CDC25C: variants seen among roughly 807,000 people sequenced by gnomAD.
The protein encoded by CDC25C is M-phase inducer phosphatase 3.
In CDC25C, 48 loss-of-function variants were observed where a neutral mutation model predicts 52.5. That is an observed-to-expected ratio of 0.91 (90% CI 0.72 to 1.16). CDC25C has a LOEUF of 1.16. Ranked by LOEUF, CDC25C falls within the 50% of genes most tolerant of loss-of-function variation. The pLI is 0.00. For missense variants in CDC25C, 510 were observed against 566.1 expected, an observed-to-expected ratio of 0.90 and a Z score of 1.01; for synonymous variants, 187 against 206.5, an observed-to-expected ratio of 0.91 and a Z score of 0.81.
intron 7 of CDC25C, among the ~76,000 whole-genome samples, chr5:138,310,754 C>G (rs1041534502): frequency 1.6e-4 from 24 of 152,228 alleles, no homozygotes; most frequent in African/African-American, 5.3e-4. Flanking sequence ...GAGGCTACTT[C>G]TCAGACCACT....
Position 138,319,210 on chromosome 5 carries a change from A to C in CDC25C, c.615+9T>G. 6.2e-7 allele frequency: 1 copy of C among 1,606,730 alleles called. No homozygotes were observed. ...AAGAATACAAAGATACTACCACAGA[A>C]CACTTTACCTTTGCTTCTTGATCTT... is the stretch of plus-strand genomic sequence containing the variant. On this transcript the variant is annotated intron_variant, in intron 7 of 13. Coordinates refer to ENST00000323760, the MANE Select transcript of CDC25C (RefSeq NM_001790.5).
intron 6 of CDC25C, among the ~76,000 whole-genome samples, chr5:138,321,741 ACT>A: frequency 9.3e-6 from 1 of 107,736 alleles, no homozygotes; most frequent in East Asian, 3.2e-4. Flanking sequence ...ACAGAGCAAG[ACT>A]CTGTCTCAAA....
intron 2 of CDC25C, 110 bp downstream of exon 2, chr5:138,330,877 G>T: frequency 1.4e-6 from 1 of 735,810 alleles, no homozygotes; most frequent in Non-Finnish European, 2.3e-6. Context: ...GCAGAGTTGA[G>T]ACTTAAAGCC....
chr5:138,324,396 G>A (rs1027718307), intron 6 of CDC25C, among the ~76,000 whole-genome samples: 3 of 152,038 alleles, frequency 2.0e-5, no homozygotes, highest in African/African-American at 7.2e-5. Context: ...TTGAGCCCAG[G>A]AGTTCAAGAT....
intron 6 of CDC25C, among the ~76,000 whole-genome samples, chr5:138,320,029 G>A (rs1326674367): frequency 1.3e-5 from 2 of 152,190 alleles, no homozygotes; most frequent in Admixed American, 6.5e-5. Context: ...AGCAGGGGCC[G>A]GGCGCAGTAG....
intron 7 of CDC25C, among the ~76,000 whole-genome samples, chr5:138,293,803 T>C (rs974305381): frequency 2.6e-5 from 4 of 151,906 alleles, no homozygotes; most frequent in African/African-American, 2.4e-5. Flanking sequence ...CGCATCACCA[T>C]GCCCAGCCAA....
chr5:138,322,252 C>T lies in CDC25C; in HGVS notation c.460-2878G>A, dbSNP rs866063164. Among the ~76,000 whole-genome samples, 39 of 150,742 alleles carry T rather than the reference C, an allele frequency of 2.6e-4. 1 individual carries two copies. The highest frequency in any genetic ancestry group is 7.8e-4 in the African/African-American group (32 of 41,080). Reference sequence around the variant, plus strand: ...TCCTGACCTTGTGATCCGCCTGCCTCGGCCTCCCAAAGTGATGGGATTACA... The same window carrying T: ...TCCTGACCTTGTGATCCGCCTGCCTTGGCCTCCCAAAGTGATGGGATTACA... On this transcript the variant is annotated intron_variant, in intron 6 of 13. Coordinates refer to ENST00000323760, the MANE Select transcript of CDC25C (RefSeq NM_001790.5).
chr5:138,286,382 A>C, intron 12 of CDC25C, 115 bp downstream of exon 12: 1 of 1,185,486 alleles, frequency 8.4e-7, no homozygotes, highest in East Asian at 2.4e-5. Flanking sequence ...TCTTCCTTCA[A>C]CCTCCCTAAC....
intron 2 of CDC25C, among the ~76,000 whole-genome samples, chr5:138,330,192 A>G (rs1340382423): frequency 6.6e-6 from 1 of 151,882 alleles, no homozygotes. Context: ...ACTGAAACAG[A>G]TAATTTTTTT....
chr5:138,313,201 C>A (rs558982481), intron 7 of CDC25C, among the ~76,000 whole-genome samples: 47 of 151,824 alleles, frequency 3.1e-4, no homozygotes, highest in Non-Finnish European at 4.9e-4. Flanking sequence ...CATGGTGAAA[C>A]CTTGTCTCTA....
Position 138,297,231 on chromosome 5 carries a change from T to G in CDC25C, c.616-5115A>C, listed in dbSNP as rs1757280797. Among the ~76,000 whole-genome samples, 6 of 151,994 alleles carry G rather than the reference T, an allele frequency of 3.9e-5. No individual in the cohort carries two copies. The South Asian group carries it at 1.2e-3, about 32-fold the overall frequency. ...TGGCCATTATTATTATTTTTTAATT[T>G]TGTATTTTTAGTAGAGACAGGGTTC... On this transcript the variant is annotated intron_variant, in intron 7 of 13. Coordinates refer to ENST00000323760, the MANE Select transcript of CDC25C (RefSeq NM_001790.5).
intron 4 of CDC25C, among the ~76,000 whole-genome samples, chr5:138,326,887 G>A (rs1243982375): frequency 1.3e-5 from 2 of 149,684 alleles, no homozygotes; most frequent in Non-Finnish European, 3.0e-5. Context: ...GGGAGGGAGA[G>A]GTTGTGGTGA....
Position 138,290,703 on chromosome 5 carries a change from A to T in CDC25C, c.800T>A (p.Ile267Asn). 1 of 1,611,110 alleles carries T rather than the reference A, an allele frequency of 6.2e-7. No individual in the cohort carries two copies. ...CLKKTVSLCD[I>N]TITQMLEEDS... ...TTCCTCCAGCATCTGAGTGATAGTA[A>T]TGTCACACAGAGAGACTGTCTTCTT... Residue 267 changes from isoleucine (I) to asparagine (N), a missense_variant, in exon 9 of 14, where the codon ATT (isoleucine) becomes AAT (asparagine). Coordinates refer to ENST00000323760, the MANE Select transcript of CDC25C (RefSeq NM_001790.5).
chr5:138,327,530 G>A (rs1473618602), intron 4 of CDC25C, among the ~76,000 whole-genome samples: 2 of 151,646 alleles, frequency 1.3e-5, no homozygotes, highest in Non-Finnish European at 2.9e-5. Flanking sequence ...CAGCTACTCG[G>A]GAGGCTGAGG....
intron 2 of CDC25C, 121 bp from the exon 3 acceptor site, chr5:138,329,768 T>A: frequency 2.0e-6 from 1 of 498,308 alleles, no homozygotes; most frequent in African/African-American, 2.2e-5. Flanking sequence ...TCTTGCTCTG[T>A]CCCCCCAGCT....
chr5:138,324,681 C>A (rs1270784209), intron 6 of CDC25C, among the ~76,000 whole-genome samples: 1 of 151,912 alleles, frequency 6.6e-6, no homozygotes, highest in Non-Finnish European at 1.5e-5. Context: ...TCGCTTGAAC[C>A]CAGGAGGTAG....
intron 7 of CDC25C, among the ~76,000 whole-genome samples, chr5:138,314,973 G>A (rs2126773763): frequency 6.9e-6 from 1 of 145,834 alleles, no homozygotes; most frequent in East Asian, 2.0e-4. Context: ...TGTTGCCCAG[G>A]CTGGAGTACA....
rs112700404 is a variant in CDC25C, at chr5:138,326,781, C to T, written c.336-727G>A. 1.8e-4 allele frequency among the ~76,000 whole-genome samples: 28 copies of T among 151,944 alleles called. 1 individual carries two copies. Among genetic ancestry groups the T allele is most frequent in the African/African-American group, 5.3e-4 (22 of 41,472 alleles). On this transcript the variant is annotated intron_variant, in intron 4 of 13. Coordinates refer to ENST00000323760, the MANE Select transcript of CDC25C (RefSeq NM_001790.5). ...CCAGCCTGACCAACACAGAGAAACC[C>T]GTCTCTACTAAAAATACAAAATTAG...
In CDC25C at chr5:138,315,930, T is replaced by A. The variant is rs1758835092; in HGVS notation, c.615+3289A>T. ...TAGCGGGAGCCCTTCCCCTTCTGAG[T>A]TGGGGCAGGAGCTCCCCTGGTGCTG... is the stretch of plus-strand genomic sequence containing the variant. On this transcript the variant is annotated intron_variant, in intron 7 of 13. Coordinates refer to ENST00000323760, the MANE Select transcript of CDC25C (RefSeq NM_001790.5). 2.6e-5 allele frequency among the ~76,000 whole-genome samples: 4 copies of A among 152,210 alleles called. No individual in the cohort carries two copies. In the East Asian group the frequency reaches 7.7e-4, roughly 29 times the overall value.
Sources: allele counts gnomAD v4.1 joint callset (sites outside exome capture counted in the v4.1 genomes callset), GRCh38; gene constraint gnomAD v4.1.1; transcripts MANE v1.5; gene names NCBI Gene and HGNC (gene_info 2026-07-23, HGNC 2026-07-21).